RABGAP1: variants seen among roughly 807,000 people sequenced by gnomAD.
The protein encoded by RABGAP1 is RAB GTPase activating protein 1, also known as rab GTPase-activating protein 1.
A neutral mutation model predicts 137.6 loss-of-function variants in RABGAP1; 23 were observed. That is an observed-to-expected ratio of 0.17 (90% CI 0.12 to 0.24). The LOEUF is 0.24. Among genes scored for constraint, RABGAP1 ranks in the 10% least tolerant of loss-of-function variants. The pLI is 1.00. For synonymous variants in RABGAP1, 451 were observed against 450.7 expected, an observed-to-expected ratio of 1.00 and a Z score of -0.01; for missense variants, 906 against 1,275.8, an observed-to-expected ratio of 0.71 and a Z score of 4.42.
chr9:122,962,729 C>T (rs554246767), intron 2 of RABGAP1, among the ~76,000 whole-genome samples: 2 of 152,072 alleles, frequency 1.3e-5, no homozygotes, highest in Admixed American at 6.5e-5. Flanking sequence ...CTGAATCCAG[C>T]TATATCAATA....
intron 13 of RABGAP1, among the ~76,000 whole-genome samples, chr9:123,027,896 C>G (rs993970584): frequency 1.3e-5 from 2 of 152,210 alleles, no homozygotes; most frequent in African/African-American, 2.4e-5. Flanking sequence ...GTATTGTCTG[C>G]TGTCATACAG....
At chr9:123,052,149 A>G (rs1314666252) in intron 13 of RABGAP1, among the ~76,000 whole-genome samples, 2 of 152,058 alleles carry the variant, frequency 1.3e-5, no homozygotes, top group Non-Finnish European at 2.9e-5. Flanking sequence ...TATAACTCCA[A>G]CTCAATACTG....
intron 13 of RABGAP1, among the ~76,000 whole-genome samples, chr9:123,027,407 C>T (rs947596988): frequency 2.5e-4 from 38 of 152,326 alleles, no homozygotes; most frequent in African/African-American, 8.9e-4. Flanking sequence ...AGCCACCGTG[C>T]CCTGCCAACC....
intron 21 of RABGAP1, among the ~76,000 whole-genome samples, chr9:123,091,459 C>T (rs976437187): frequency 6.6e-6 from 1 of 152,158 alleles, no homozygotes; most frequent in Non-Finnish European, 1.5e-5. Context: ...ACAGGTGAGA[C>T]AGAGACCACA....
At chr9:123,095,497 C>T (rs572503277) in intron 21 of RABGAP1, among the ~76,000 whole-genome samples, 1 of 152,060 alleles carries the variant, frequency 6.6e-6, no homozygotes, top group Non-Finnish European at 1.5e-5. Flanking sequence ...CCCAAGAGTT[C>T]AAGACCAGCC....
chr9:123,008,574 G>A (rs2030517425), intron 10 of RABGAP1, among the ~76,000 whole-genome samples: 1 of 150,128 alleles, frequency 6.7e-6, no homozygotes, highest in Non-Finnish European at 1.5e-5. Context: ...AGCTATTGCT[G>A]ATCTTTGAAC....
At chr9:123,019,686 TTTTG>T (rs34983095) in intron 12 of RABGAP1, among the ~76,000 whole-genome samples, 19 of 150,124 alleles carry the variant, frequency 1.3e-4, no homozygotes, top group East Asian at 3.9e-4. Flanking sequence ...TTTGCTCTTT[TTTTG>T]TTTGTTTGTT....
chr9:122,995,963 G>A, intron 6 of RABGAP1, 78 bp from the exon 7 acceptor site: 1 of 1,489,198 alleles, frequency 6.7e-7, no homozygotes. Flanking sequence ...AGAGATTTGA[G>A]GTCTTTGTTT....
chr9:122,934,490 C>T, the RABGAP1 span, among the ~76,000 whole-genome samples: 1 of 151,830 alleles, frequency 6.6e-6, no homozygotes, highest in Non-Finnish European at 1.5e-5. Flanking sequence ...ATTAATTTTC[C>T]CTTTCTTTTT....
At position 123,010,390 on chromosome 9, in the gene RABGAP1, T is replaced by A; in HGVS notation, c.1411T>A (p.Leu471Ile). The change falls in exon 11 of 26, where the codon TTA (leucine) becomes ATA (isoleucine). Residue 471 changes from leucine (L) to isoleucine (I), a missense_variant. By Grantham distance (5) the Leu-to-Ile change is conservative. Coordinates refer to ENST00000373647, the MANE Select transcript of RABGAP1 (RefSeq NM_012197.4). ...GGAGAGAAAGAATAATACTGACACT[T>A]TATATGAAGTTGTATGCTTGGAAAG... ...QRERKNNTDT[L>I]YEVVCLESES... 6.2e-7 allele frequency: 1 copy of A among 1,613,360 alleles called. No homozygotes were observed. The highest frequency in any genetic ancestry group is 8.5e-7 in the Non-Finnish European group (1 of 1,179,394).
intron 6 of RABGAP1, among the ~76,000 whole-genome samples, chr9:122,995,764 T>C (rs1472358015): frequency 6.6e-6 from 1 of 152,084 alleles, no homozygotes; most frequent in Non-Finnish European, 1.5e-5. Flanking sequence ...AGATGGGGTT[T>C]TACCATATTG....
intron 11 of RABGAP1, among the ~76,000 whole-genome samples, chr9:123,012,538 A>G (rs1163777370): frequency 6.6e-6 from 1 of 152,268 alleles, no homozygotes; most frequent in Non-Finnish European, 1.5e-5. Flanking sequence ...TATAGCAGAC[A>G]TACCTTTTTT....
intron 10 of RABGAP1, among the ~76,000 whole-genome samples, chr9:123,002,230 G>A (rs1258707594): frequency 6.6e-6 from 1 of 151,682 alleles, no homozygotes; most frequent in Non-Finnish European, 1.5e-5. Flanking sequence ...GAACCCGGGA[G>A]GTGGAGGTTG....
chr9:122,985,574 C>T (rs1429176949), intron 3 of RABGAP1, among the ~76,000 whole-genome samples: 3 of 135,012 alleles, frequency 2.2e-5, no homozygotes, highest in African/African-American at 8.3e-5. Flanking sequence ...GATTGTTCCA[C>T]TGCACTTCAG....
At chr9:122,999,498 C>T (rs188465342) in intron 10 of RABGAP1, among the ~76,000 whole-genome samples, 43 of 152,036 alleles carry the variant, frequency 2.8e-4, no homozygotes, top group African/African-American at 1.0e-3. Flanking sequence ...GCCAGCCCTT[C>T]CATTGTTTTT....
chr9:122,986,588 G>C (rs676805), intron 4 of RABGAP1, among the ~76,000 whole-genome samples, 169 bp downstream of exon 4: 94,952 of 152,146 alleles, frequency 0.62, 36,792 homozygotes, highest in Non-Finnish European at 0.86. Context: ...TGTGAAAAAT[G>C]GTTACTTATT....
intron 13 of RABGAP1, among the ~76,000 whole-genome samples, chr9:123,047,954 T>C (rs2033289990): frequency 9.1e-6 from 1 of 110,046 alleles, no homozygotes; most frequent in African/African-American, 5.2e-5. Context: ...TTTTTTTTTT[T>C]TGAGACGGAG....
chr9:122,986,286 T>C lies in RABGAP1; in HGVS notation c.457T>C (p.Leu153=), dbSNP rs369875181. 6.2e-7 allele frequency: 1 copy of C among 1,614,058 alleles called. No individual in the cohort carries two copies. The highest frequency in any genetic ancestry group is 8.5e-7 in the Non-Finnish European group (1 of 1,180,010). Residue 153 remains leucine (L), a synonymous_variant, in exon 4 of 26, where the codon TTA becomes CTA. Transcript: ENST00000373647. ...DSVVFSKLTY[L]GCASVNAPRS... is the part of the protein sequence containing the mutation. ...CGTAGTTTTCAGTAAACTGACTTACTTAGGCTGTGCCTCGGTAAATGCTCC... is the reference window on the plus strand; with the variant it reads ...CGTAGTTTTCAGTAAACTGACTTACCTAGGCTGTGCCTCGGTAAATGCTCC...
intron 13 of RABGAP1, among the ~76,000 whole-genome samples, chr9:123,058,662 A>G (rs775895382): frequency 6.6e-6 from 1 of 152,212 alleles, no homozygotes; most frequent in Non-Finnish European, 1.5e-5. Context: ...TTTAGTGAAT[A>G]AATTTAAGAA....
Sources: allele counts gnomAD v4.1 joint callset (sites outside exome capture counted in the v4.1 genomes callset), GRCh38; gene constraint gnomAD v4.1.1; transcripts MANE v1.5; gene names NCBI Gene and HGNC (gene_info 2026-07-23, HGNC 2026-07-21).